Variants in TRAPPC9 observed in about 807,000 individuals in gnomAD.
The protein encoded by TRAPPC9 is trafficking protein particle complex subunit 9.
In TRAPPC9, 83 loss-of-function variants were observed where a neutral mutation model predicts 124.0. The observed-to-expected ratio is 0.67, with a 90% CI of 0.56 to 0.80. The LOEUF (loss-of-function observed/expected upper bound fraction) is 0.80. Among genes scored for constraint, TRAPPC9 ranks in the 30% least tolerant of loss-of-function variants. TRAPPC9 has a pLI of 0.00. For synonymous variants in TRAPPC9, 638 were observed against 617.5 expected (o/e 1.03, Z -0.49); for missense variants, 1,302 against 1,508.3 (o/e 0.86, Z 2.27).
intron 1 of TRAPPC9, 121 bp downstream of exon 1, chr8:140,457,518 C>T: frequency 1.2e-6 from 1 of 842,562 alleles, no homozygotes; most frequent in Non-Finnish European, 1.4e-6. Context: ...GGGCTCCGCC[C>T]GGACAGGTGA....
intron 21 of TRAPPC9, among the ~76,000 whole-genome samples, chr8:139,857,266 G>C (rs986450279): frequency 6.6e-6 from 1 of 152,178 alleles, no homozygotes; most frequent in African/African-American, 2.4e-5. Context: ...GACACACGCA[G>C]GAGTCTGGTT....
At chr8:140,350,739 G>A (rs923979615) in intron 9 of TRAPPC9, among the ~76,000 whole-genome samples, 5 of 152,108 alleles carry the variant, frequency 3.3e-5, no homozygotes, top group African/African-American at 4.8e-5. Context: ...GTCTTGGCAC[G>A]TAAGCATTAA....
intron 7 of TRAPPC9, among the ~76,000 whole-genome samples, chr8:140,396,467 T>A (rs777180702): frequency 6.6e-6 from 1 of 151,908 alleles, no homozygotes; most frequent in African/African-American, 2.4e-5. Context: ...AACCCGCCGC[T>A]CTTAGAAGCA....
chr8:139,982,212 G>A (rs770362615), intron 19 of TRAPPC9, among the ~76,000 whole-genome samples: 1 of 152,178 alleles, frequency 6.6e-6, no homozygotes, highest in Non-Finnish European at 1.5e-5. Context: ...GACATCCACT[G>A]TTTCCGGTTG....
chr8:139,964,253 A>AG (rs59945754), intron 19 of TRAPPC9, among the ~76,000 whole-genome samples: 4,678 of 125,780 alleles, frequency 0.037, 256 homozygotes, highest in African/African-American at 0.13. Context: ...AAAGCGGGGG[A>AG]GCACCTCAGG....
chr8:139,990,058 T>C (rs2665938), intron 18 of TRAPPC9, among the ~76,000 whole-genome samples: 1 of 152,002 alleles, frequency 6.6e-6, no homozygotes, highest in Non-Finnish European at 1.5e-5. Flanking sequence ...AGATCTGTGC[T>C]CTGGGTCATT....
At chr8:139,891,601 C>T (rs1033189361) in intron 20 of TRAPPC9, among the ~76,000 whole-genome samples, 4 of 152,208 alleles carry the variant, frequency 2.6e-5, no homozygotes, top group African/African-American at 7.2e-5. Context: ...CTGGTGGCCA[C>T]GGGCCAGGTG....
rs1822416614 is a variant in TRAPPC9 at position 139,788,287 on chromosome 8, G to A, written c.3056-56085C>T. On this transcript the variant is annotated intron_variant, in intron 21 of 22. Transcript: ENST00000438773. This position sits in a 1 kb window ranked among gnomAD's most constrained non-coding sequence, Gnocchi z 4.9. ...AATGTGTGTGTCAGTGTATGTTGGA[G>A]GAGGGGAAGGGTGGTGGATTAATTT... 6.6e-6 allele frequency among the ~76,000 whole-genome samples: 1 copy of A among 152,210 alleles called. No individual in the cohort carries two copies.
chr8:140,418,067 G>A (rs545654548), intron 5 of TRAPPC9, among the ~76,000 whole-genome samples: 1 of 152,180 alleles, frequency 6.6e-6, no homozygotes, highest in Non-Finnish European at 1.5e-5. Flanking sequence ...GTCAGGGAAT[G>A]GGGGGCTAGG....
chr8:140,088,757 C>T (rs1844371842), intron 17 of TRAPPC9, among the ~76,000 whole-genome samples: 1 of 152,336 alleles, frequency 6.6e-6, no homozygotes, highest in East Asian at 1.9e-4. Context: ...CATGAATAAA[C>T]ATATCAGAAG....
chr8:140,300,534 T>C lies in TRAPPC9; in HGVS notation c.1703A>G (p.Lys568Arg). The C allele has an allele frequency of 1.2e-6, 2 of 1,614,220 alleles. No homozygotes were observed. Among genetic ancestry groups the C allele is most frequent in the Non-Finnish European group, 1.7e-6 (2 of 1,180,034 alleles). Residue 568 changes from lysine to arginine, a missense_variant, in exon 11 of 23, where the codon AAA becomes AGA. Transcript: ENST00000438773. ...AATTGGTGAATAGATGAAAGGACTTTTGGTTGACACGTTCTGACCCAGCAA... is the reference window on the plus strand; with the variant it reads ...AATTGGTGAATAGATGAAAGGACTTCTGGTTGACACGTTCTGACCCAGCAA... ...KSLLGQNVST[K>R]SPFIYSPIIA...
At chr8:139,760,206 T>C (rs919273757) in intron 21 of TRAPPC9, among the ~76,000 whole-genome samples, 3 of 151,932 alleles carry the variant, frequency 2.0e-5, no homozygotes, top group East Asian at 3.9e-4. Context: ...GGAAGGAGGG[T>C]GGACGTGGAC....
chr8:140,196,950 G>A (rs951538524), intron 17 of TRAPPC9, among the ~76,000 whole-genome samples: 3 of 151,356 alleles, frequency 2.0e-5, no homozygotes, highest in African/African-American at 7.3e-5. Context: ...CGATCCACGC[G>A]TGAACTCCTT....
chr8:140,422,785 C>T (rs1588326739), intron 5 of TRAPPC9, among the ~76,000 whole-genome samples: 1 of 144,540 alleles, frequency 6.9e-6, no homozygotes, highest in South Asian at 2.2e-4. Context: ...TACAACTCAA[C>T]AATAAAAAGA....
intron 17 of TRAPPC9, among the ~76,000 whole-genome samples, chr8:140,152,235 T>TA (rs71320343): frequency 0.22 from 23,414 of 106,412 alleles, 2,781 homozygotes; most frequent in Admixed American, 0.29. Context: ...ACTTAAGCTT[T>TA]AAAAAAAAAA....
At chr8:139,805,251 T>C (rs995777971) in intron 21 of TRAPPC9, among the ~76,000 whole-genome samples, 1 of 152,214 alleles carries the variant, frequency 6.6e-6, no homozygotes, top group South Asian at 2.1e-4. Flanking sequence ...TTGTGGAATC[T>C]AGCGTGGCGT....
intron 4 of TRAPPC9, among the ~76,000 whole-genome samples, chr8:140,430,417 A>C (rs912941583): frequency 3.9e-5 from 6 of 152,092 alleles, no homozygotes; most frequent in African/African-American, 1.2e-4. Context: ...AGTGAGGTGT[A>C]AGATGAGTTT....
chr8:139,744,585 A>G (rs1818768890), intron 21 of TRAPPC9, among the ~76,000 whole-genome samples: 2 of 152,308 alleles, frequency 1.3e-5, no homozygotes, highest in South Asian at 4.2e-4. Context: ...TGGACACAGA[A>G]CACAGGCTCT....
intron 21 of TRAPPC9, among the ~76,000 whole-genome samples, chr8:139,842,697 A>G (rs928261694): frequency 6.6e-6 from 1 of 152,076 alleles, no homozygotes; most frequent in South Asian, 2.1e-4. Flanking sequence ...TGGCACAGAG[A>G]AGTGTCCCTC....
Sources: gnomAD v4.1 joint callset for allele counts (sites outside exome capture counted in the v4.1 genomes callset) on GRCh38, gnomAD v4.1.1 for gene constraint, Gnocchi (gnomAD v3.1) non-coding constraint, MANE v1.5 for transcripts, NCBI Gene and HGNC (gene_info 2026-07-23, HGNC 2026-07-21) for gene names.